Variants in SPAG16 observed in about 807,000 individuals in gnomAD.
SPAG16 encodes the protein sperm associated antigen 16.
Under a neutral mutation model 80.4 loss-of-function variants are expected in SPAG16, and 86 were observed. The ratio of observed to expected loss-of-function variants is 1.07; its 90% CI spans 0.90 to 1.28. The LOEUF is 1.28. Ranked by LOEUF, SPAG16 falls within the 50% of genes most tolerant of loss-of-function variation. The pLI is 0.00. For missense variants in SPAG16, 870 were observed against 765.3 expected, an observed-to-expected ratio of 1.14 and a Z score of -1.61; for synonymous variants, 294 against 265.9, an observed-to-expected ratio of 1.11 and a Z score of -1.03.
intron 15 of SPAG16, among the ~76,000 whole-genome samples, chr2:214,162,178 G>T (rs1391870102): frequency 6.6e-6 from 1 of 152,054 alleles, no homozygotes; most frequent in East Asian, 1.9e-4. Context: ...TTGCTTTCCT[G>T]GGCTCAGCCT....
intron 13 of SPAG16, among the ~76,000 whole-genome samples, chr2:214,018,097 T>A (rs983244070): frequency 3.3e-5 from 5 of 152,102 alleles, no homozygotes; most frequent in Admixed American, 2.6e-4. Context: ...GGAAACTCAT[T>A]CAACTTATTA....
chr2:214,047,672 C>T (rs1292099466), intron 13 of SPAG16, among the ~76,000 whole-genome samples: 4 of 152,054 alleles, frequency 2.6e-5, no homozygotes, highest in East Asian at 1.9e-4. Context: ...CAAAGGCAAG[C>T]GAAGCAAACA....
At chr2:214,013,136 G>C (rs1055162533) in intron 12 of SPAG16, among the ~76,000 whole-genome samples, 1 of 150,922 alleles carries the variant, frequency 6.6e-6, no homozygotes, top group Non-Finnish European at 1.5e-5. Context: ...TCATCAATTG[G>C]CATAGAATGT....
intron 11 of SPAG16, among the ~76,000 whole-genome samples, chr2:213,869,276 T>TATATA: frequency 9.6e-6 from 1 of 103,880 alleles, no homozygotes; most frequent in Non-Finnish European, 2.3e-5. Flanking sequence ...TATATATATA[T>TATATA]ATATGTATAT....
At chr2:213,592,580 A>T (rs1052936118) in intron 10 of SPAG16, among the ~76,000 whole-genome samples, 1 of 152,202 alleles carries the variant, frequency 6.6e-6, no homozygotes, top group East Asian at 1.9e-4. Flanking sequence ...TTAACAATCT[A>T]GTAATAGACT....
intron 15 of SPAG16, among the ~76,000 whole-genome samples, chr2:214,359,120 T>C (rs1699009528): frequency 6.6e-6 from 1 of 151,876 alleles, no homozygotes; most frequent in African/African-American, 2.4e-5. Context: ...ACAATAGTAA[T>C]AGTAATAAGA....
At chr2:213,342,376 TTA>T (rs562141851) in intron 6 of SPAG16, among the ~76,000 whole-genome samples, 193 of 142,502 alleles carry the variant, frequency 1.4e-3, no homozygotes, top group African/African-American at 4.0e-3. Context: ...TATATATGTA[TTA>T]TATATATATA....
At chr2:213,921,226 A>G (rs1379808167) in intron 11 of SPAG16, among the ~76,000 whole-genome samples, 1 of 152,120 alleles carries the variant, frequency 6.6e-6, no homozygotes, top group Non-Finnish European at 1.5e-5. Context: ...CTACTTAATC[A>G]GGTCTTCTTG....
At chr2:213,760,516 AAAAAC>A (rs2068596095) in intron 10 of SPAG16, among the ~76,000 whole-genome samples, 1 of 152,270 alleles carries the variant, frequency 6.6e-6, no homozygotes, top group East Asian at 1.9e-4. Context: ...GCTAGAAAAA[AAAAAC>A]AAAGATAAAT....
intron 9 of SPAG16, among the ~76,000 whole-genome samples, chr2:213,398,214 C>A (rs1207255379): frequency 1.5e-4 from 23 of 151,234 alleles, no homozygotes; most frequent in Admixed American, 1.4e-3. Flanking sequence ...ATTGCAAAAG[C>A]CTCCTAACTG....
intron 12 of SPAG16, among the ~76,000 whole-genome samples, chr2:213,990,001 A>G (rs886898240): frequency 2.0e-5 from 3 of 152,130 alleles, no homozygotes; most frequent in Non-Finnish European, 4.4e-5. Context: ...ATTGATTTCA[A>G]TAATTTATAT....
intron 10 of SPAG16, among the ~76,000 whole-genome samples, chr2:213,535,227 T>C (rs550182000): frequency 1.3e-5 from 2 of 152,196 alleles, no homozygotes; most frequent in Admixed American, 6.5e-5. Context: ...CAGAAAAACA[T>C]GACTCCAAAT....
intron 15 of SPAG16, among the ~76,000 whole-genome samples, chr2:214,341,964 T>G (rs1168475286): frequency 1.3e-5 from 2 of 151,986 alleles, no homozygotes; most frequent in East Asian, 1.9e-4. Flanking sequence ...AACAGAAGAC[T>G]ACAAGATAAA....
Position 213,712,707 on chromosome 2 carries a change from A to C in SPAG16, c.1071-149778A>C, listed in dbSNP as rs77799215. On this transcript the variant is annotated intron_variant, in intron 10 of 15. Transcript: ENST00000331683. ...ATATCAAGTGAAGCTGTCTCAAAAA[A>C]GACCATACTGAGAACTTACTTGAGT... Among the ~76,000 whole-genome samples the C allele has an allele frequency of 2.3e-3, 353 of 152,316 alleles. 2 individuals are homozygous for C. The highest frequency in any genetic ancestry group is 7.9e-3 in the African/African-American group (327 of 41,554).
chr2:213,702,769 G>A (rs1415766669), intron 10 of SPAG16, among the ~76,000 whole-genome samples: 1 of 152,028 alleles, frequency 6.6e-6, no homozygotes, highest in Non-Finnish European at 1.5e-5. Flanking sequence ...ATTTTATTTT[G>A]ACTGTTCTTT....
At chr2:214,042,550 CT>C (rs1026626688) in intron 13 of SPAG16, among the ~76,000 whole-genome samples, 3 of 152,040 alleles carry the variant, frequency 2.0e-5, no homozygotes, top group East Asian at 1.9e-4. Context: ...TGTTTTCCCC[CT>C]ATCTCATCAT....
chr2:213,397,082 G>T (rs551791503), intron 9 of SPAG16, among the ~76,000 whole-genome samples: 1 of 152,274 alleles, frequency 6.6e-6, no homozygotes, highest in South Asian at 2.1e-4. Flanking sequence ...ATCCATTGAG[G>T]TTCTGGTAAA....
chr2:213,889,135 C>A (rs2076679328), intron 11 of SPAG16, among the ~76,000 whole-genome samples: 1 of 151,702 alleles, frequency 6.6e-6, no homozygotes, highest in African/African-American at 2.4e-5. Context: ...TGTTTGAGTA[C>A]AATATCAGTA....
intron 10 of SPAG16, among the ~76,000 whole-genome samples, chr2:213,492,685 GTT>G (rs11421804): frequency 5.9e-5 from 8 of 136,328 alleles, no homozygotes; most frequent in Non-Finnish European, 9.6e-5. Context: ...AAAGAAAGTT[GTT>G]TTTTTTTTTT....
Sources: allele counts gnomAD v4.1 joint callset (sites outside exome capture counted in the v4.1 genomes callset), GRCh38; gene constraint gnomAD v4.1.1; transcripts MANE v1.5; gene names NCBI Gene and HGNC (gene_info 2026-07-23, HGNC 2026-07-21).